The following ADGRF3 variants were observed in gnomAD, a reference collection of about 807,000 sequenced individuals.
ADGRF3 encodes the protein G protein-coupled receptor 113.
Under a neutral mutation model 93.2 loss-of-function variants are expected in ADGRF3, and 85 were observed. The observed-to-expected ratio is 0.91, with a 90% CI of 0.77 to 1.09. ADGRF3 has a LOEUF of 1.09. Among genes scored for constraint, ADGRF3 ranks in the 50% least tolerant of loss-of-function variants. ADGRF3 has a pLI of 0.00. For synonymous variants in ADGRF3, 534 were observed against 532.5 expected, an observed-to-expected ratio of 1.00 and a Z score of -0.04; for missense variants, 1,125 against 1,246.2, an observed-to-expected ratio of 0.90 and a Z score of 1.46.
At chr2:26,317,133 G>T in intron 2 of ADGRF3, 78 bp from the exon 3 acceptor site, 8 of 1,460,618 alleles carry the variant, frequency 5.5e-6, no homozygotes, top group Non-Finnish European at 7.4e-6. Context: ...CTCTCACCTA[G>T]CTGGCCAGTC....
intron 1 of ADGRF3, among the ~76,000 whole-genome samples, chr2:26,337,857 T>A (rs1297249410): frequency 6.6e-6 from 1 of 151,948 alleles, no homozygotes; most frequent in African/African-American, 2.4e-5. Flanking sequence ...AACCTGTCTC[T>A]ACTAAAAATA....
At chr2:26,336,722 T>TTAAAAA (rs1676066895) in intron 1 of ADGRF3, among the ~76,000 whole-genome samples, 1 of 22,050 alleles carries the variant, frequency 4.5e-5, no homozygotes, top group African/African-American at 1.3e-4. Context: ...TGAGACTCCA[T>TTAAAAA]AAAAAAAAAA....
intron 1 of ADGRF3, among the ~76,000 whole-genome samples, chr2:26,343,229 T>TGGAG (rs1359687385): frequency 4.6e-5 from 7 of 152,102 alleles, no homozygotes; most frequent in African/African-American, 1.7e-4. Flanking sequence ...CATGGTTATA[T>TGGAG]GGAGCATGAC....
chr2:26,345,771 A>ACC (rs1676689123), intron 1 of ADGRF3: 1 of 299,546 alleles, frequency 3.3e-6, no homozygotes, highest in Non-Finnish European at 6.4e-6. Flanking sequence ...AAAACGGTAT[A>ACC]CCCCAGATCA....
chr2:26,315,253 C>A (rs763318618), intron 5 of ADGRF3, among the ~76,000 whole-genome samples: 1 of 152,170 alleles, frequency 6.6e-6, no homozygotes, highest in Non-Finnish European at 1.5e-5. Context: ...AAAAGGGTCT[C>A]AGAAGTCCCA....
rs918342660 is a variant in ADGRF3 at position 26,345,827 on chromosome 2, C to G, written c.114+294G>C. On this transcript the variant is annotated intron_variant, in intron 1 of 13. Coordinates refer to ENST00000651242, the MANE Select transcript of ADGRF3 (RefSeq NM_001321971.2). ...CAGAAATCCCACCTTCCCCCGGGACCGGGAGCAAAGCCCGCTGGGAAATTG... is the reference window on the plus strand; with the variant it reads ...CAGAAATCCCACCTTCCCCCGGGACGGGGAGCAAAGCCCGCTGGGAAATTG... 4 of 416,390 alleles carry G rather than the reference C, an allele frequency of 9.6e-6. No individual in the cohort carries two copies. The Admixed American group carries it at 1.6e-4, about 17-fold the overall frequency. 25.8% of individuals were successfully genotyped at this position (416,390 alleles called of 1,614,324 possible). A position where few individuals can be genotyped will look rare whatever the true frequency, so the allele number is the denominator to read the frequency against.
rs1485950840 is a variant in ADGRF3, at chr2:26,315,768, C to A, written c.500-28G>T. 13 of 1,550,278 alleles carry A rather than the reference C, an allele frequency of 8.4e-6. No homozygotes were observed. In the East Asian group the frequency reaches 2.4e-4, roughly 29 times the overall value. On this transcript the variant is annotated intron_variant, in intron 4 of 13. Transcript: ENST00000651242. ...GCAGGGAGGCAGGTGACAGGGGACC[C>A]TGGAGGAGGGACTTATGGCCCTCAG... is the stretch of plus-strand genomic sequence containing the variant.
At chr2:26,327,548 T>A (rs2147905335) in intron 1 of ADGRF3, among the ~76,000 whole-genome samples, 1 of 125,728 alleles carries the variant, frequency 8.0e-6, no homozygotes, top group African/African-American at 3.3e-5. Flanking sequence ...ACAGACTGGG[T>A]AACTTTTTTT....
Position 26,346,490 on chromosome 2 carries a change from C to T in ADGRF3, c.-256G>A, listed in dbSNP as rs1192914030. 2 of 550,466 alleles carry T rather than the reference C, an allele frequency of 3.6e-6. No individual in the cohort carries two copies. The highest frequency in any genetic ancestry group is 6.1e-6 in the Non-Finnish European group (2 of 327,310). 34.1% of individuals were successfully genotyped at this position (550,466 alleles called of 1,614,324 possible). On this transcript the variant is annotated 5_prime_UTR_variant, in exon 1 of 14. Transcript: ENST00000651242. Reference sequence around the variant, plus strand: ...TCCTAAGCCCGCCGCCCGTAGTCGGCACCCCCCGGGAGATTTCCTTTTCCT... The same window carrying T: ...TCCTAAGCCCGCCGCCCGTAGTCGGTACCCCCCGGGAGATTTCCTTTTCCT...
intron 1 of ADGRF3, among the ~76,000 whole-genome samples, chr2:26,336,057 G>A (rs147304994): frequency 7.4e-4 from 112 of 152,240 alleles, no homozygotes; most frequent in African/African-American, 2.7e-3. Context: ...TTAGAGTCCA[G>A]TAAGACAGAA....
At position 26,308,804 on chromosome 2, in the gene ADGRF3, A is replaced by G; in HGVS notation, c.*282T>C. On this transcript the variant is annotated 3_prime_UTR_variant, in exon 14 of 14. Coordinates refer to ENST00000651242, the MANE Select transcript of ADGRF3 (RefSeq NM_001321971.2). ...TGGTTGAGAAAGTTTACTTGTAATTATTCCGCACTTTGATATCTGTCGATT... is the reference window on the plus strand; with the variant it reads ...TGGTTGAGAAAGTTTACTTGTAATTGTTCCGCACTTTGATATCTGTCGATT... The G allele has an allele frequency of 2.3e-6, 1 of 441,990 alleles. No individual in the cohort carries two copies. Among genetic ancestry groups the G allele is most frequent in the Non-Finnish European group, 4.0e-6 (1 of 248,754 alleles). 27.4% of individuals were successfully genotyped at this position (441,990 alleles called of 1,614,324 possible).
At chr2:26,333,049 A>G (rs1675855439) in intron 1 of ADGRF3, among the ~76,000 whole-genome samples, 1 of 152,140 alleles carries the variant, frequency 6.6e-6, no homozygotes, top group Non-Finnish European at 1.5e-5. Context: ...GTATTCATCA[A>G]CACTCCCTCC....
rs904152861 is a variant in ADGRF3 at position 26,329,532 on chromosome 2, G to A, written c.115-11970C>T. Among the ~76,000 whole-genome samples, 8 of 152,288 alleles carry A rather than the reference G, an allele frequency of 5.3e-5. No individual in the cohort carries two copies. The East Asian group carries it at 7.7e-4, about 15-fold the overall frequency. On this transcript the variant is annotated intron_variant, in intron 1 of 13. Transcript: ENST00000651242. ...AGCAAGCAAATGGATTCTTCCCTGC[G>A]GTTTCCAGAAGAAATGCAGATCTGC...
At chr2:26,329,228 T>C (rs1457124412) in intron 1 of ADGRF3, among the ~76,000 whole-genome samples, 1 of 152,188 alleles carries the variant, frequency 6.6e-6, no homozygotes, top group African/African-American at 2.4e-5. Flanking sequence ...CTTGACCTCG[T>C]GGGCTCAAGT....
intron 10 of ADGRF3, 140 bp downstream of exon 10, chr2:26,310,552 C>T (rs1381287772): frequency 2.3e-6 from 2 of 857,434 alleles, no homozygotes; most frequent in East Asian, 5.3e-5. Context: ...AGTGGAGGAA[C>T]TGGGATCCAC....
chr2:26,341,680 TAG>T (rs1445497937), intron 1 of ADGRF3, among the ~76,000 whole-genome samples: 1 of 152,122 alleles, frequency 6.6e-6, no homozygotes, highest in Non-Finnish European at 1.5e-5. Flanking sequence ...TTTTTTTTGG[TAG>T]AGACAGGGTC....
At position 26,315,688 on chromosome 2, in the gene ADGRF3, C is replaced by T. The variant is rs2147879760; in HGVS notation, c.552G>A (p.Leu184=). The T allele has an allele frequency of 6.4e-7, 1 of 1,551,554 alleles. No homozygotes were observed. Among genetic ancestry groups the T allele is most frequent in the Non-Finnish European group, 8.7e-7 (1 of 1,146,984 alleles). The change falls in exon 5 of 14, where the codon CTG becomes CTA. Residue 184 remains leucine, a synonymous_variant. Coordinates refer to ENST00000651242, the MANE Select transcript of ADGRF3 (RefSeq NM_001321971.2). The part of the protein sequence containing the change: ...NSQLQMPGDT[L]SLTLHLSQEA... ...CCTGGCTCAGATGGAGAGTCAGGCT[C>T]AGCGTGTCACCAGGCATCTGCAGCT...
At chr2:26,338,247 T>C (rs534254970) in intron 1 of ADGRF3, among the ~76,000 whole-genome samples, 1 of 152,014 alleles carries the variant, frequency 6.6e-6, no homozygotes, top group South Asian at 2.1e-4. Flanking sequence ...GGTATGGTGA[T>C]GCACACCTGT....
intron 1 of ADGRF3, among the ~76,000 whole-genome samples, chr2:26,333,131 A>G (rs1675858274): frequency 2.0e-5 from 3 of 152,052 alleles, no homozygotes; most frequent in African/African-American, 7.2e-5. Context: ...AACCAGTGAA[A>G]TACTTCCTCG....
Sources: allele counts gnomAD v4.1 joint callset (sites outside exome capture counted in the v4.1 genomes callset), GRCh38; gene constraint gnomAD v4.1.1; transcripts MANE v1.5; gene names NCBI Gene and HGNC (gene_info 2026-07-23, HGNC 2026-07-21).